TRIM44: variants seen among roughly 807,000 people sequenced by gnomAD.
The protein encoded by TRIM44 is tripartite motif containing 44.
A neutral mutation model predicts 37.4 loss-of-function variants in TRIM44; 13 were observed. The observed-to-expected ratio is 0.35, with a 90% confidence interval of 0.23 to 0.55. TRIM44 has a LOEUF of 0.55. Ranked by LOEUF, TRIM44 falls within the 20% of genes least tolerant of loss-of-function variation. The probability of loss-of-function intolerance (pLI) is 0.89; values close to 1 mark genes in which losing one functional copy is unlikely to be tolerated. For missense variants in TRIM44, 426 were observed against 437.2 expected, an observed-to-expected ratio of 0.97 and a Z score of 0.23; for synonymous variants, 175 against 157.2, an observed-to-expected ratio of 1.11 and a Z score of -0.85.
chr11:35,794,331 C>T lies in TRIM44; in HGVS notation c.1008-12027C>T, dbSNP rs140559403. Reference sequence around the variant, plus strand: ...TTAGAATCCAAGCCTGCCTTGAGAACAGCTCACAGCTGGGTTGTGGAGAGT... The same window carrying T: ...TTAGAATCCAAGCCTGCCTTGAGAATAGCTCACAGCTGGGTTGTGGAGAGT... On this transcript the variant is annotated intron_variant, in intron 4 of 4. Transcript: ENST00000299413. 1.8e-3 allele frequency among the ~76,000 whole-genome samples: 280 copies of T among 152,332 alleles called. 2 individuals are homozygous for T. The highest frequency in any genetic ancestry group is 6.5e-3 in the African/African-American group (269 of 41,578).
At chr11:35,761,140 C>T (rs1852719642) in intron 4 of TRIM44, among the ~76,000 whole-genome samples, 2 of 152,104 alleles carry the variant, frequency 1.3e-5, no homozygotes, top group African/African-American at 4.8e-5. Flanking sequence ...TTTTTTATGG[C>T]CAACTAGTAT....
At chr11:35,733,680 T>C (rs1162225885) in intron 3 of TRIM44, among the ~76,000 whole-genome samples, 5 of 152,114 alleles carry the variant, frequency 3.3e-5, no homozygotes, top group African/African-American at 9.7e-5. Context: ...TTGATTTAAA[T>C]CACCTTTCTG....
At chr11:35,800,997 T>C (rs1187370618) in intron 4 of TRIM44, among the ~76,000 whole-genome samples, 4 of 152,194 alleles carry the variant, frequency 2.6e-5, no homozygotes. Context: ...CTTTATTTTG[T>C]AAAGTTCAGA....
At chr11:35,739,041 T>A (rs1286437777) in intron 4 of TRIM44, among the ~76,000 whole-genome samples, 1 of 152,200 alleles carries the variant, frequency 6.6e-6, no homozygotes, top group East Asian at 1.9e-4. Context: ...CCTTTTTTCC[T>A]CTTTTCTGTT....
rs369326810 is a variant in TRIM44, at chr11:35,663,333, G to T, written c.222G>T (p.Glu74Asp). The part of the protein sequence containing the change: ...SQAWTPPADG[E>D]GAGKEEAEVK... ...CCTGGACCCCGCCAGCTGACGGAGA[G>T]GGGGCGGGGAAGGAAGAAGCGGAGG... Residue 74 changes from glutamate (E) to aspartate (D), a missense_variant, in exon 1 of 5, where the codon GAG (glutamate) becomes GAT (aspartate). Transcript: ENST00000299413. The T allele has an allele frequency of 1.2e-6, 2 of 1,613,972 alleles. No homozygotes were observed. Among genetic ancestry groups the T allele is most frequent in the East Asian group, 2.2e-5 (1 of 44,866 alleles).
At chr11:35,744,656 C>G (rs1035153574) in intron 4 of TRIM44, among the ~76,000 whole-genome samples, 1 of 151,886 alleles carries the variant, frequency 6.6e-6, no homozygotes, top group African/African-American at 2.4e-5. Context: ...CTGCACAGAT[C>G]GTCCCATCGC....
chr11:35,720,524 T>C (rs1021712067), intron 2 of TRIM44, among the ~76,000 whole-genome samples: 1 of 152,194 alleles, frequency 6.6e-6, no homozygotes, highest in Non-Finnish European at 1.5e-5. Flanking sequence ...CTGTATACCT[T>C]TTATTTCCTT....
chr11:35,678,762 G>T (rs1851492628), intron 1 of TRIM44, among the ~76,000 whole-genome samples: 1 of 151,962 alleles, frequency 6.6e-6, no homozygotes, highest in Non-Finnish European at 1.5e-5. Flanking sequence ...GCCATGCCCG[G>T]CTTATTTTTG....
intron 1 of TRIM44, among the ~76,000 whole-genome samples, chr11:35,684,261 T>TA (rs75895088): frequency 0.014 from 2,168 of 151,806 alleles, 119 homozygotes; most frequent in East Asian, 0.14. Flanking sequence ...AGACCTAGCA[T>TA]AAAAAAAAAT....
chr11:35,665,584 C>CT (rs1851321781), intron 1 of TRIM44, among the ~76,000 whole-genome samples: 1 of 81,742 alleles, frequency 1.2e-5, no homozygotes, highest in Non-Finnish European at 2.8e-5. Context: ...TTTTATATAT[C>CT]TGTTTTTTTT....
intron 2 of TRIM44, among the ~76,000 whole-genome samples, chr11:35,703,466 G>A (rs200646841): frequency 2.0e-5 from 3 of 150,934 alleles, no homozygotes; most frequent in Non-Finnish European, 3.0e-5. Context: ...CCTCAAGTGG[G>A]TCCCTGACCC....
chr11:35,727,846 A>C (rs1852201165), intron 3 of TRIM44, among the ~76,000 whole-genome samples: 1 of 152,200 alleles, frequency 6.6e-6, no homozygotes, highest in South Asian at 2.1e-4. Context: ...AAATGAGAAG[A>C]ATCCATGTTC....
intron 4 of TRIM44, among the ~76,000 whole-genome samples, chr11:35,791,628 G>A (rs1445776215): frequency 6.6e-6 from 1 of 152,116 alleles, no homozygotes; most frequent in African/African-American, 2.4e-5. Context: ...AACATGCCAA[G>A]CTGTTTCACA....
chr11:35,680,963 C>A (rs898669045), intron 1 of TRIM44, among the ~76,000 whole-genome samples: 4 of 151,802 alleles, frequency 2.6e-5, no homozygotes, highest in African/African-American at 7.3e-5. Flanking sequence ...GTTTATTTGG[C>A]CTTTTCTTAC....
intron 4 of TRIM44, among the ~76,000 whole-genome samples, chr11:35,757,786 A>C (rs968335862): frequency 6.6e-6 from 1 of 152,172 alleles, no homozygotes; most frequent in South Asian, 2.1e-4. Context: ...CAGGTTGTTC[A>C]GTTTCCATGT....
At chr11:35,705,470 C>T (rs1018316257) in intron 2 of TRIM44, among the ~76,000 whole-genome samples, 5 of 152,278 alleles carry the variant, frequency 3.3e-5, no homozygotes, top group African/African-American at 1.2e-4. Flanking sequence ...TTCTTTTCAG[C>T]ACCACACCAC....
intron 4 of TRIM44, among the ~76,000 whole-genome samples, chr11:35,745,464 A>C (rs189904441): frequency 3.3e-5 from 5 of 152,186 alleles, no homozygotes; most frequent in Non-Finnish European, 5.9e-5. Context: ...GTCTTCCTCT[A>C]ATTTAAAGTC....
intron 2 of TRIM44, among the ~76,000 whole-genome samples, chr11:35,699,399 A>G (rs886889633): frequency 3.9e-5 from 6 of 152,186 alleles, no homozygotes; most frequent in Non-Finnish European, 5.9e-5. Flanking sequence ...ACAAAATTCA[A>G]CAACCCTTCA....
intron 4 of TRIM44, among the ~76,000 whole-genome samples, chr11:35,761,514 T>C (rs1852728799): frequency 1.3e-5 from 2 of 152,200 alleles, no homozygotes; most frequent in Non-Finnish European, 2.9e-5. Context: ...CCGTAACAGC[T>C]AATACTGATT....
Sources: gnomAD v4.1 joint callset for allele counts (sites outside exome capture counted in the v4.1 genomes callset) on GRCh38, gnomAD v4.1.1 for gene constraint, MANE v1.5 for transcripts, NCBI Gene and HGNC (gene_info 2026-07-23, HGNC 2026-07-21) for gene names.